EGFR: variants seen among roughly 807,000 people sequenced by gnomAD.
The protein encoded by EGFR is epidermal growth factor receptor.
A neutral mutation model predicts 143.0 loss-of-function variants in EGFR; 58 were observed. The observed-to-expected ratio is 0.41, with a 90% confidence interval of 0.33 to 0.50. The LOEUF (loss-of-function observed/expected upper bound fraction) is 0.50, where lower values mean the gene tolerates loss of function less well. Ranked by LOEUF, EGFR falls within the 20% of genes least tolerant of loss-of-function variation. The probability of loss-of-function intolerance (pLI) is 0.39; values close to 1 mark genes in which losing one functional copy is unlikely to be tolerated. For missense variants in EGFR, 1,307 were observed against 1,579.0 expected (o/e 0.83, Z 2.92); for synonymous variants, 613 against 594.4 (o/e 1.03, Z -0.45).
intron 27 of EGFR, among the ~76,000 whole-genome samples, chr7:55,204,861 CCA>C (rs1259689438): frequency 2.0e-5 from 3 of 150,308 alleles, no homozygotes; most frequent in East Asian, 2.0e-4. Context: ...CATGCACACA[CCA>C]CACACACATA....
intron 1 of EGFR, 82 bp downstream of exon 1, chr7:55,019,447 C>A: frequency 1.1e-6 from 1 of 914,726 alleles, no homozygotes; most frequent in Non-Finnish European, 1.4e-6. Flanking sequence ...CGCACCGGCG[C>A]ACCGGCTCGG....
Position 55,200,298 on chromosome 7 carries a change from T to C in EGFR, c.2849-18T>C, listed in dbSNP as rs1297756532. 6.2e-7 allele frequency: 1 copy of C among 1,611,936 alleles called. No homozygotes were observed. The highest frequency in any genetic ancestry group is 1.3e-5 in the African/African-American group (1 of 74,878). ...TCCAGTGTTCTAATTGCACTGTTTTTTCTCATTCCTTCCCCAGGCTGGATG... is the reference window on the plus strand; with the variant it reads ...TCCAGTGTTCTAATTGCACTGTTTTCTCTCATTCCTTCCCCAGGCTGGATG... On this transcript the variant is annotated intron_variant, in intron 23 of 27. Coordinates refer to ENST00000275493, the MANE Select transcript of EGFR (RefSeq NM_005228.5).
At chr7:55,190,038 G>A (rs1231798997) in intron 20 of EGFR, among the ~76,000 whole-genome samples, 1 of 152,178 alleles carries the variant, frequency 6.6e-6, no homozygotes, top group Non-Finnish European at 1.5e-5. Flanking sequence ...CGGGGGCAGG[G>A]AGCTTGCCTC....
At chr7:55,161,436 C>T (rs2128942506) in intron 12 of EGFR, 63 bp from the exon 13 acceptor site, 1 of 1,565,240 alleles carries the variant, frequency 6.4e-7, no homozygotes, top group East Asian at 2.3e-5. Flanking sequence ...AAGGTGCCGT[C>T]TCCTCCGGCC....
intron 1 of EGFR, among the ~76,000 whole-genome samples, chr7:55,060,943 C>T (rs1789130135): frequency 6.6e-6 from 1 of 152,110 alleles, no homozygotes; most frequent in African/African-American, 2.4e-5. Context: ...TGGACATGGC[C>T]AAGTTGACTA....
intron 22 of EGFR, among the ~76,000 whole-genome samples, chr7:55,194,229 T>A (rs1787523825): frequency 1.1e-5 from 1 of 88,256 alleles, no homozygotes; most frequent in Admixed American, 1.0e-4. Context: ...TTTTTAACTT[T>A]TTTTTTTTTT....
intron 1 of EGFR, among the ~76,000 whole-genome samples, chr7:55,033,772 G>A (rs1296206779): frequency 2.6e-5 from 4 of 152,192 alleles, no homozygotes; most frequent in Admixed American, 6.5e-5. Context: ...CCTCCATGGC[G>A]GGACTCTCAG....
In EGFR at chr7:55,160,149, TC is replaced by T; in HGVS notation, c.1310del (p.Ser437PhefsTer7). 6.2e-7 allele frequency: 1 copy of T among 1,614,198 alleles called. No individual in the cohort carries two copies. The highest frequency in any genetic ancestry group is 8.5e-7 in the Non-Finnish European group (1 of 1,180,038). ...RGRTKQHGQFSLAVVSLNITS... is the reference protein window; with the variant it reads ...RGRTKQHGQFXLAVVSLNITS... Reference sequence around the variant, plus strand: ...TTCTCTCCAATGTAGTGGTCAGTTTTCTCTTGCAGTCGTCAGCCTGAACATA... The same window carrying T: ...TTCTCTCCAATGTAGTGGTCAGTTTTTCTTGCAGTCGTCAGCCTGAACATA... On this transcript the variant is annotated frameshift_variant, in exon 12 of 28. Transcript: ENST00000275493. LOFTEE classifies it high-confidence loss of function.
chr7:55,132,564 G>A (rs1345037800), intron 1 of EGFR, among the ~76,000 whole-genome samples: 2 of 152,226 alleles, frequency 1.3e-5, no homozygotes, highest in African/African-American at 4.8e-5. Context: ...GGCACTTGTA[G>A]GCAAGGTAGT....
At chr7:55,176,626 T>C (rs1379394065) in intron 19 of EGFR, among the ~76,000 whole-genome samples, 4 of 151,974 alleles carry the variant, frequency 2.6e-5, no homozygotes, top group Non-Finnish European at 4.4e-5. Context: ...GATGGGAAGA[T>C]GGCTTGAGTC....
chr7:55,054,770 T>C (rs575723386), intron 1 of EGFR, among the ~76,000 whole-genome samples: 1 of 152,326 alleles, frequency 6.6e-6, no homozygotes, highest in African/African-American at 2.4e-5. Flanking sequence ...TGGCTGTGCC[T>C]CTGCTTCCTT....
intron 19 of EGFR, among the ~76,000 whole-genome samples, chr7:55,176,813 A>G (rs559180401): frequency 9.5e-5 from 14 of 146,918 alleles, no homozygotes; most frequent in African/African-American, 3.5e-4. Flanking sequence ...ATATAAATAT[A>G]TATGATATAT....
intron 19 of EGFR, among the ~76,000 whole-genome samples, chr7:55,176,741 T>C (rs1280054036): frequency 6.7e-6 from 1 of 149,818 alleles, no homozygotes; most frequent in East Asian, 1.9e-4. Flanking sequence ...AATATTAATA[T>C]AGATACCTAT....
chr7:55,138,907 G>A lies in EGFR; in HGVS notation c.89-3379G>A, dbSNP rs1794305095. 2.0e-5 allele frequency among the ~76,000 whole-genome samples: 3 copies of A among 152,302 alleles called. No individual in the cohort carries two copies. In the South Asian group the frequency reaches 6.2e-4, roughly 32 times the overall value. ...CATGCTGTGTCAATCTATGGTGGAA[G>A]GTCAAGAGAGCATGCATGTGAGGTG... On this transcript the variant is annotated intron_variant, in intron 1 of 27. Transcript: ENST00000275493.
intron 1 of EGFR, among the ~76,000 whole-genome samples, chr7:55,029,704 G>A (rs974006334): frequency 2.6e-5 from 4 of 152,144 alleles, no homozygotes; most frequent in East Asian, 3.9e-4. Context: ...CTTAGTACGC[G>A]GCTTAACATA....
intron 27 of EGFR, among the ~76,000 whole-genome samples, chr7:55,203,650 CCACACACCACACACACACATA>C (rs1787970638): frequency 1.4e-5 from 2 of 140,656 alleles, no homozygotes; most frequent in Non-Finnish European, 1.6e-5. Context: ...CACACACACA[CCACACACCACACACACACATA>C]CACACACCAC....
Position 55,205,753 on chromosome 7 carries a change from C to G in EGFR, c.*136C>G, listed in dbSNP as rs771477460. 4.3e-6 allele frequency: 6 copies of G among 1,385,940 alleles called. No individual in the cohort carries two copies. The highest frequency in any genetic ancestry group is 5.0e-6 in the Non-Finnish European group (5 of 992,848). 85.9% of individuals were successfully genotyped at this position (1,385,940 alleles called of 1,614,324 possible). ...CAGACTGGTTTTGCAACGTTTACAC[C>G]GACTAGCCAGGAAGTACTTCCACCT... On this transcript the variant is annotated 3_prime_UTR_variant, in exon 28 of 28. Transcript: ENST00000275493.
At chr7:55,065,732 G>A (rs1366558389) in intron 1 of EGFR, among the ~76,000 whole-genome samples, 1 of 152,002 alleles carries the variant, frequency 6.6e-6, no homozygotes, top group Admixed American at 6.6e-5. Context: ...CCAGAGAAAA[G>A]TGGCCATTTT....
intron 1 of EGFR, among the ~76,000 whole-genome samples, chr7:55,109,131 A>C (rs1266515574): frequency 6.6e-6 from 1 of 152,256 alleles, no homozygotes; most frequent in East Asian, 1.9e-4. Context: ...TTGCCTCCTT[A>C]GGCAAATAAA....
Sources: allele counts gnomAD v4.1 joint callset (sites outside exome capture counted in the v4.1 genomes callset), GRCh38; gene constraint gnomAD v4.1.1; transcripts MANE v1.5; gene names NCBI Gene and HGNC (gene_info 2026-07-23, HGNC 2026-07-21).